The following NOL4L variants were observed in gnomAD, a reference collection of about 807,000 sequenced individuals.
NOL4L encodes the protein nucleolar protein 4 like.
Under a neutral mutation model 64.5 loss-of-function variants are expected in NOL4L, and 7 were observed. The observed-to-expected ratio is 0.11, with a 90% CI of 0.06 to 0.20. The LOEUF (loss-of-function observed/expected upper bound fraction) is 0.20, where lower values mean the gene tolerates loss of function less well. NOL4L is among the 10% of genes least tolerant of loss of function. The pLI is 1.00. For synonymous variants in NOL4L, 413 were observed against 401.0 expected (o/e 1.03, Z -0.36); for missense variants, 680 against 967.1 (o/e 0.70, Z 3.94).
intron 1 of NOL4L, among the ~76,000 whole-genome samples, chr20:32,542,304 G>C (rs372367521): frequency 2.0e-5 from 3 of 152,204 alleles, no homozygotes; most frequent in Non-Finnish European, 2.9e-5. Context: ...GCATGACCAA[G>C]AGATGACCAA....
At chr20:32,535,486 T>TGCCGCC (rs1457124112) in intron 1 of NOL4L, 3 of 645,228 alleles carry the variant, frequency 4.6e-6, no homozygotes, top group Non-Finnish European at 3.9e-6. Context: ...AGCGCGTAGC[T>TGCCGCC]GCCGCCGCCA....
intron 1 of NOL4L, among the ~76,000 whole-genome samples, chr20:32,579,235 T>C (rs890112403): frequency 1.3e-5 from 2 of 152,198 alleles, no homozygotes; most frequent in Admixed American, 6.5e-5. Flanking sequence ...CCTCTCCACC[T>C]GTGCCCTGCA....
At chr20:32,481,017 G>A (rs2015681691) in intron 4 of NOL4L, among the ~76,000 whole-genome samples, 1 of 152,182 alleles carries the variant, frequency 6.6e-6, no homozygotes, top group South Asian at 2.1e-4. Flanking sequence ...CTGAGACACA[G>A]CCAATCACCT....
intron 1 of NOL4L, among the ~76,000 whole-genome samples, chr20:32,580,651 G>A (rs1980407616): frequency 6.6e-6 from 1 of 152,200 alleles, no homozygotes; most frequent in South Asian, 2.1e-4. Flanking sequence ...GGGATTCCTG[G>A]CATGTGGCAG....
In NOL4L at chr20:32,474,698, G is replaced by A. The variant is rs777804268; in HGVS notation, c.744C>T (p.Ser248=). ...VSSEDFDMSD[S]TWMSADPHLA... ...GGTGCGGGTCAGCTGACATCCATGT[G>A]GAGTCGCTCATATCAAAATCCTCGC... The change falls in exon 5 of 11, where the codon TCC becomes TCT. Residue 248 remains serine (S), a synonymous_variant. Transcript: ENST00000621426. 2 of 1,613,700 alleles carry A rather than the reference G, an allele frequency of 1.2e-6. No homozygotes were observed. Among genetic ancestry groups the A allele is most frequent in the East Asian group, 2.2e-5 (1 of 44,878 alleles).
chr20:32,506,436 C>T (rs1352755097), intron 4 of NOL4L, among the ~76,000 whole-genome samples: 3 of 152,048 alleles, frequency 2.0e-5, no homozygotes, highest in Non-Finnish European at 2.9e-5. Context: ...CCGAGGAGGG[C>T]GGATCACCTG....
intron 1 of NOL4L, among the ~76,000 whole-genome samples, chr20:32,567,365 A>G (rs2145617840): frequency 6.6e-6 from 1 of 152,286 alleles, no homozygotes; most frequent in Non-Finnish European, 1.5e-5. Context: ...TCTGCCCCAG[A>G]CACACTAGCT....
At chr20:32,510,304 C>A (rs773756388) in intron 4 of NOL4L, 18 of 266,446 alleles carry the variant, frequency 6.8e-5, no homozygotes, top group Non-Finnish European at 1.2e-4. Context: ...GAGGGCTGGC[C>A]GCCCTGCCTC....
chr20:32,539,600 G>T (rs184141085), intron 1 of NOL4L, among the ~76,000 whole-genome samples: 2 of 152,248 alleles, frequency 1.3e-5, no homozygotes, highest in Non-Finnish European at 2.9e-5. Flanking sequence ...CTGTCCCATC[G>T]CTCCTCTTCT....
intron 5 of NOL4L, among the ~76,000 whole-genome samples, chr20:32,472,108 T>A (rs921875767): frequency 3.9e-5 from 6 of 152,220 alleles, no homozygotes; most frequent in African/African-American, 1.4e-4. Context: ...ATGGGAAGGA[T>A]GTCCCCAGAA....
intron 4 of NOL4L, among the ~76,000 whole-genome samples, chr20:32,488,799 CTTTCTTTT>C (rs1303856044): frequency 3.3e-4 from 12 of 36,538 alleles, no homozygotes; most frequent in South Asian, 1.8e-3. Flanking sequence ...TCCTTTCTTT[CTTTCTTTT>C]TCTTTCTTTC....
At chr20:32,573,710 C>T in intron 1 of NOL4L, 1 of 176,616 alleles carries the variant, frequency 5.7e-6, no homozygotes, top group Non-Finnish European at 1.2e-5. Flanking sequence ...CTGGACCCAG[C>T]CCCTGGCTCC....
At chr20:32,551,837 G>A (rs1264247919) in intron 1 of NOL4L, among the ~76,000 whole-genome samples, 1 of 152,090 alleles carries the variant, frequency 6.6e-6, no homozygotes, top group East Asian at 1.9e-4. Context: ...TTCCCAGGCT[G>A]GAATGCAGTG....
chr20:32,467,626 G>T (rs370216900), intron 5 of NOL4L, among the ~76,000 whole-genome samples: 1 of 152,198 alleles, frequency 6.6e-6, no homozygotes, highest in South Asian at 2.1e-4. Context: ...GAATCTGGGG[G>T]AGGTGAGGAA....
intron 10 of NOL4L, among the ~76,000 whole-genome samples, chr20:32,448,631 G>A (rs762645838): frequency 1.3e-5 from 2 of 152,230 alleles, no homozygotes; most frequent in South Asian, 2.1e-4. Context: ...GCTAGGATAC[G>A]AGGGAGTGTG....
intron 1 of NOL4L, among the ~76,000 whole-genome samples, chr20:32,583,096 C>G (rs1488654552): frequency 1.3e-5 from 2 of 152,208 alleles, no homozygotes; most frequent in South Asian, 4.1e-4. Flanking sequence ...GCCCCCTGTT[C>G]CCGGTCCGGC....
intron 5 of NOL4L, chr20:32,465,061 T>C: frequency 1.6e-6 from 1 of 614,618 alleles, no homozygotes; most frequent in East Asian, 3.2e-5. Context: ...CGTAGAGAGG[T>C]GTCCAAGCTG....
intron 1 of NOL4L, among the ~76,000 whole-genome samples, chr20:32,540,148 T>C (rs909200152): frequency 6.6e-6 from 1 of 152,212 alleles, no homozygotes; most frequent in Admixed American, 6.5e-5. Context: ...CCTTCGCCTC[T>C]GCACGTGCCT....
rs530587551 is a variant in NOL4L, at chr20:32,460,397, C to A, written c.842-4002G>T. Among the ~76,000 whole-genome samples, 40 of 152,190 alleles carry A rather than the reference C, an allele frequency of 2.6e-4. No individual in the cohort carries two copies. The highest frequency in any genetic ancestry group is 5.2e-4 in the Admixed American group (8 of 15,280). ...GCTCCGCTCAGGCAGCCCCGGCATG[C>A]CAGCCCCCACCCCACACAGCTGCCC... On this transcript the variant is annotated intron_variant, in intron 5 of 10. Coordinates refer to ENST00000621426, the MANE Select transcript of NOL4L (RefSeq NM_001256798.2). The surrounding 1 kb of genome is among the most constrained non-coding windows in gnomAD (Gnocchi z 5.7).
Sources: gnomAD v4.1 joint callset for allele counts (sites outside exome capture counted in the v4.1 genomes callset) on GRCh38, gnomAD v4.1.1 for gene constraint, Gnocchi (gnomAD v3.1) non-coding constraint, MANE v1.5 for transcripts, NCBI Gene and HGNC (gene_info 2026-07-23, HGNC 2026-07-21) for gene names.